RNF112: variants seen among roughly 807,000 people sequenced by gnomAD.
RNF112 encodes the protein brain finger protein.
A neutral mutation model predicts 64.7 loss-of-function variants in RNF112; 34 were observed. The ratio of observed to expected loss-of-function variants is 0.53; its 90% confidence interval spans 0.40 to 0.70. RNF112 has a LOEUF of 0.70. RNF112 is among the 30% of genes least tolerant of loss of function. The pLI is 0.00. For missense variants in RNF112, 734 were observed against 850.0 expected, an observed-to-expected ratio of 0.86 and a Z score of 1.70; for synonymous variants, 345 against 344.5, an observed-to-expected ratio of 1.00 and a Z score of -0.02.
rs1324169827 is a variant in RNF112, at chr17:19,411,388, C to G, written c.-21C>G. 1 of 1,609,108 alleles carries G rather than the reference C, an allele frequency of 6.2e-7. No individual in the cohort carries two copies. The highest frequency in any genetic ancestry group is 8.5e-7 in the Non-Finnish European group (1 of 1,179,056). ...GGGCCTCCCCCTCTGCATCCGGACC[C>G]TCTCCCCATCCCAGCCTCCCATGCC... On this transcript the variant is annotated 5_prime_UTR_variant, in exon 1 of 14. Transcript: ENST00000461366.
chr17:19,415,820 G>C lies in RNF112; in HGVS notation c.1541G>C (p.Cys514Ser), dbSNP rs1430511236. Residue 514 changes from cysteine (C) to serine (S), a missense_variant, in exon 14 of 14, where the codon TGC becomes TCC. Cys to Ser is a moderately radical substitution (Grantham distance 112). Coordinates refer to ENST00000461366, the MANE Select transcript of RNF112 (RefSeq NM_007148.5). The surrounding 1 kb of genome is among the most constrained non-coding windows in gnomAD (Gnocchi z 7.8). ...ILARHGVALLCKGRDQTLEAL... is the reference protein window; with the variant it reads ...ILARHGVALLSKGRDQTLEAL... ...GCCCGCCATGGTGTGGCCTTACTCT[G>C]CAAGGGGAGAGATCAGACCTTGGAG... The C allele has an allele frequency of 1.9e-6, 3 of 1,613,822 alleles. No homozygotes were observed. The Admixed American group carries it at 5.0e-5, about 27-fold the overall frequency.
rs1306626513 is a variant in RNF112, at chr17:19,414,481, G to A, written c.909G>A (p.Lys303=). The A allele has an allele frequency of 3.1e-6, 5 of 1,613,882 alleles. No homozygotes were observed. The Admixed American group carries it at 8.3e-5, about 27-fold the overall frequency. Residue 303 remains lysine, a synonymous_variant, in exon 8 of 14, where the codon AAG becomes AAA. Coordinates refer to ENST00000461366, the MANE Select transcript of RNF112 (RefSeq NM_007148.5). ...MFVHVAEVMG[K]HYGMVPIQHL... ...TCCACGTGGCCGAGGTGATGGGCAAGCATTATGGGATGGTGCCAATCCAGG... is the reference window on the plus strand; with the variant it reads ...TCCACGTGGCCGAGGTGATGGGCAAACATTATGGGATGGTGCCAATCCAGG...
Position 19,413,180 on chromosome 17 carries a change from C to T in RNF112, c.588+36C>T. 6.3e-7 allele frequency: 1 copy of T among 1,599,398 alleles called. No homozygotes were observed. The highest frequency in any genetic ancestry group is 1.1e-5 in the South Asian group (1 of 89,634). On this transcript the variant is annotated intron_variant, in intron 4 of 13. Coordinates refer to ENST00000461366, the MANE Select transcript of RNF112 (RefSeq NM_007148.5). This position sits in a 1 kb window ranked among gnomAD's most constrained non-coding sequence, Gnocchi z 5.9. ...GGCGGGGCAGGAGGGAGGCGGGGAG[C>T]AAGGATGGGGGTTCCTGCCTGGGGG...
chr17:19,412,386 T>G lies in RNF112; in HGVS notation c.96-112T>G. On this transcript the variant is annotated intron_variant, in intron 2 of 13. Transcript: ENST00000461366. This position sits in a 1 kb window ranked among gnomAD's most constrained non-coding sequence, Gnocchi z 5.1. ...ATGGAGGCACTGATGGAAATTGGGT[T>G]GGCACAAAGGGACCTCCACTCCCAA... 1.7e-6 allele frequency: 2 copies of G among 1,190,118 alleles called. No individual in the cohort carries two copies. The highest frequency in any genetic ancestry group is 2.3e-6 in the Non-Finnish European group (2 of 859,694). 73.7% of individuals were successfully genotyped at this position (1,190,118 alleles called of 1,614,324 possible). A position where few individuals can be genotyped will look rare whatever the true frequency, so the allele number is the denominator to read the frequency against.
At position 19,416,234 on chromosome 17, in the gene RNF112, C is replaced by A; in HGVS notation, c.*59C>A. 1 of 1,433,608 alleles carries A rather than the reference C, an allele frequency of 7.0e-7. No homozygotes were observed. The highest frequency in any genetic ancestry group is 9.4e-7 in the Non-Finnish European group (1 of 1,063,344). 88.8% of individuals were successfully genotyped at this position (1,433,608 alleles called of 1,614,324 possible). ...GTCAGGTGGGGATGAAGAAGAGGGG[C>A]AGGTCGGGGGAGGGTGATGCCAGGG... On this transcript the variant is annotated 3_prime_UTR_variant, in exon 14 of 14. Coordinates refer to ENST00000461366, the MANE Select transcript of RNF112 (RefSeq NM_007148.5).
In RNF112 at chr17:19,415,538, C is replaced by T. The variant is rs1913852483; in HGVS notation, c.1371C>T (p.Asp457=). 2.5e-6 allele frequency: 4 copies of T among 1,612,572 alleles called. No homozygotes were observed. The highest frequency in any genetic ancestry group is 3.4e-6 in the Non-Finnish European group (4 of 1,179,468). The stretch of plus-strand genomic sequence containing the variant: ...GACAGATGGCTGCTCAGCTGCACGA[C>T]CTGAGGAAGGTGGAAGCTGCCAAGA... ...SPDEMAAQLH[D]LRKVEAAKRE... is the part of the protein sequence containing the mutation. Residue 457 remains aspartate, a synonymous_variant, in exon 13 of 14, where the codon GAC becomes GAT. Transcript: ENST00000461366. This position sits in a 1 kb window ranked among gnomAD's most constrained non-coding sequence, Gnocchi z 7.8.
In RNF112 at chr17:19,413,254, G is replaced by C; in HGVS notation, c.589-26G>C. Reference sequence around the variant, plus strand: ...TGTGGGGACAAGGAACCGACCAACTGATGCTCTCCCTTCTCTCCCCTGCAG... The same window carrying C: ...TGTGGGGACAAGGAACCGACCAACTCATGCTCTCCCTTCTCTCCCCTGCAG... On this transcript the variant is annotated intron_variant, in intron 4 of 13. Transcript: ENST00000461366. The surrounding 1 kb of genome is among the most constrained non-coding windows in gnomAD (Gnocchi z 5.9). 6.3e-7 allele frequency: 1 copy of C among 1,597,620 alleles called. No homozygotes were observed. The highest frequency in any genetic ancestry group is 1.1e-5 in the South Asian group (1 of 89,734).
chr17:19,415,932 G>T lies in RNF112; in HGVS notation c.1653G>T (p.Gly551=). The change falls in exon 14 of 14, where the codon GGG becomes GGT. Residue 551 remains glycine, a synonymous_variant. Transcript: ENST00000461366. This position sits in a 1 kb window ranked among gnomAD's most constrained non-coding sequence, Gnocchi z 7.8. The stretch of plus-strand genomic sequence containing the variant: ...TCTGTGGCCACCTAGCTGCTGTGGG[G>T]GGTGCTGTGGGGGCCGGGCTCATGG... The part of the protein sequence containing the change: ...MRFCGHLAAV[G]GAVGAGLMGL... The T allele has an allele frequency of 6.2e-7, 1 of 1,609,372 alleles. No individual in the cohort carries two copies. Among genetic ancestry groups the T allele is most frequent in the African/African-American group, 1.3e-5 (1 of 74,974 alleles).
At position 19,416,232 on chromosome 17, in the gene RNF112, G is replaced by A. The variant is rs566911336; in HGVS notation, c.*57G>A. The A allele has an allele frequency of 2.1e-5, 30 of 1,441,470 alleles. No individual in the cohort carries two copies. The Middle Eastern group carries it at 5.5e-4, about 26-fold the overall frequency. 89.3% of individuals were successfully genotyped at this position (1,441,470 alleles called of 1,614,324 possible). A position where few individuals can be genotyped will look rare whatever the true frequency, so the allele number is the denominator to read the frequency against. On this transcript the variant is annotated 3_prime_UTR_variant, in exon 14 of 14. Transcript: ENST00000461366. ...ATGTCAGGTGGGGATGAAGAAGAGG[G>A]GCAGGTCGGGGGAGGGTGATGCCAG... is the stretch of plus-strand genomic sequence containing the variant.
rs1247429480 is a variant in RNF112 at position 19,413,395 on chromosome 17, G to A, written c.704G>A (p.Gly235Glu). 6 of 1,612,246 alleles carry A rather than the reference G, an allele frequency of 3.7e-6. No individual in the cohort carries two copies. The highest frequency in any genetic ancestry group is 1.1e-5 in the South Asian group (1 of 90,930). Residue 235 changes from glycine to glutamate, a missense_variant, in exon 5 of 14, where the codon GGG (glycine) becomes GAG (glutamate). Gly to Glu is a moderately conservative substitution (Grantham distance 98). Coordinates refer to ENST00000461366, the MANE Select transcript of RNF112 (RefSeq NM_007148.5). The surrounding 1 kb of genome is among the most constrained non-coding windows in gnomAD (Gnocchi z 5.9). ...IWMWSHPFLL[G>E]KEGKKVAVFL... ...ATGTGGAGCCACCCCTTCTTGCTGG[G>A]GAAAGAAGGGAAGAAGGTGAGGGGG...
At chr17:19,414,294 A>T in intron 7 of RNF112, 149 bp downstream of exon 7, 1 of 1,120,952 alleles carries the variant, frequency 8.9e-7, no homozygotes, top group Non-Finnish European at 1.3e-6. Flanking sequence ...GTAAAGCAAG[A>T]GATGTGTGGT....
In RNF112 at chr17:19,415,471, T is replaced by C. The variant is rs1253848972; in HGVS notation, c.1351-47T>C. On this transcript the variant is annotated intron_variant, in intron 12 of 13. Transcript: ENST00000461366. The surrounding 1 kb of genome is among the most constrained non-coding windows in gnomAD (Gnocchi z 7.8). ...GAGATGAGGAAACAAGCAGCGCCCC[T>C]GGCTGAGAAGGAAGGAAGGAGGCAG... is the stretch of plus-strand genomic sequence containing the variant. 11 of 1,582,216 alleles carry C rather than the reference T, an allele frequency of 7.0e-6. No individual in the cohort carries two copies. The highest frequency in any genetic ancestry group is 1.7e-4 in the Middle Eastern group (1 of 5,968).
In RNF112 at chr17:19,412,996, G is replaced by A. The variant is rs544958157; in HGVS notation, c.440G>A (p.Gly147Asp). ...LLLVRINASG[G>D]LILRMGAINR... is the part of the protein sequence containing the mutation. ...CTGGTTCGCATCAATGCCTCTGGGG[G>A]CCTCATCCTTAGGATGGGGGCCATC... Residue 147 changes from glycine to aspartate, a missense_variant, in exon 4 of 14, where the codon GGC becomes GAC. By Grantham distance (94) the Gly-to-Asp change is moderately conservative. Coordinates refer to ENST00000461366, the MANE Select transcript of RNF112 (RefSeq NM_007148.5). This position sits in a 1 kb window ranked among gnomAD's most constrained non-coding sequence, Gnocchi z 5.1. 1 of 1,610,268 alleles carries A rather than the reference G, an allele frequency of 6.2e-7. No individual in the cohort carries two copies. Among genetic ancestry groups the A allele is most frequent in the South Asian group, 1.1e-5 (1 of 90,270 alleles).
chr17:19,413,615 C>A lies in RNF112; in HGVS notation c.759C>A (p.Ser253Arg). The A allele has an allele frequency of 6.2e-7, 1 of 1,613,354 alleles. No individual in the cohort carries two copies. The highest frequency in any genetic ancestry group is 8.5e-7 in the Non-Finnish European group (1 of 1,179,688). The change falls in exon 6 of 14, where the codon AGC becomes AGA. Residue 253 changes from serine (S) to arginine (R), a missense_variant. Physicochemically the swap from Ser to Arg is moderately radical, Grantham distance 110. Transcript: ENST00000461366. This position sits in a 1 kb window ranked among gnomAD's most constrained non-coding sequence, Gnocchi z 5.9. Reference protein sequence around the residue: ...VFLVDTGDAMSPELSRETRIK... With the variant: ...VFLVDTGDAMRPELSRETRIK... Reference sequence around the variant, plus strand: ...TGGTGGACACAGGGGATGCCATGAGCCCTGAGCTGAGCAGGGAAACAAGGA... The same window carrying A: ...TGGTGGACACAGGGGATGCCATGAGACCTGAGCTGAGCAGGGAAACAAGGA...
Position 19,413,276 on chromosome 17 carries a change from G to C in RNF112, c.589-4G>C. 1 of 1,607,452 alleles carries C rather than the reference G, an allele frequency of 6.2e-7. No individual in the cohort carries two copies. The highest frequency in any genetic ancestry group is 2.2e-5 in the East Asian group (1 of 44,684). On this transcript the variant is annotated splice_polypyrimidine_tract_variant and splice_region_variant and intron_variant, in intron 4 of 13. Coordinates refer to ENST00000461366, the MANE Select transcript of RNF112 (RefSeq NM_007148.5). This position sits in a 1 kb window ranked among gnomAD's most constrained non-coding sequence, Gnocchi z 5.9. ...ACTGATGCTCTCCCTTCTCTCCCCTGCAGGAGTCTGGTGAGGGCGGCCGGC... is the reference window on the plus strand; with the variant it reads ...ACTGATGCTCTCCCTTCTCTCCCCTCCAGGAGTCTGGTGAGGGCGGCCGGC...
At chr17:19,414,952 C>G in intron 10 of RNF112, 65 bp downstream of exon 10, 3 of 1,593,998 alleles carry the variant, frequency 1.9e-6, no homozygotes, top group Non-Finnish European at 2.6e-6. Context: ...CAACCGAGCC[C>G]CTTGAAGCAC....
Position 19,412,445 on chromosome 17 carries a change from C to T in RNF112, c.96-53C>T. ...TCTTCCACCACAACCCTGGCCGGTA[C>T]CCCCTGCCCCCAATAGACATCCTGC... On this transcript the variant is annotated intron_variant, in intron 2 of 13. Coordinates refer to ENST00000461366, the MANE Select transcript of RNF112 (RefSeq NM_007148.5). The surrounding 1 kb of genome is among the most constrained non-coding windows in gnomAD (Gnocchi z 5.1). 8 of 1,567,136 alleles carry T rather than the reference C, an allele frequency of 5.1e-6. No homozygotes were observed. Among genetic ancestry groups the T allele is most frequent in the Non-Finnish European group, 6.9e-6 (8 of 1,158,656 alleles).
Position 19,415,305 on chromosome 17 carries a change from G to T in RNF112, c.1316G>T (p.Gly439Val). Residue 439 changes from glycine (G) to valine (V), a missense_variant, in exon 12 of 14, where the codon GGG becomes GTG. Coordinates refer to ENST00000461366, the MANE Select transcript of RNF112 (RefSeq NM_007148.5). The surrounding 1 kb of genome is among the most constrained non-coding windows in gnomAD (Gnocchi z 7.8). The part of the protein sequence containing the change: ...QEIKNLSGWM[G>V]RTGPGFTSPD... Reference sequence around the variant, plus strand: ...CCGCAGAACCTCTCAGGATGGATGGGGAGGACAGGGCCCGGTTTCACCTCT... The same window carrying T: ...CCGCAGAACCTCTCAGGATGGATGGTGAGGACAGGGCCCGGTTTCACCTCT... 1.2e-6 allele frequency: 2 copies of T among 1,609,670 alleles called. No homozygotes were observed. Among genetic ancestry groups the T allele is most frequent in the Non-Finnish European group, 1.7e-6 (2 of 1,177,992 alleles).
rs1234615077 is a variant in RNF112 at position 19,412,134 on chromosome 17, A to C, written c.96-364A>C. 6.6e-6 allele frequency among the ~76,000 whole-genome samples: 1 copy of C among 152,162 alleles called. No individual in the cohort carries two copies. The highest frequency in any genetic ancestry group is 2.4e-5 in the African/African-American group (1 of 41,454). On this transcript the variant is annotated intron_variant, in intron 2 of 13. Transcript: ENST00000461366. This position sits in a 1 kb window ranked among gnomAD's most constrained non-coding sequence, Gnocchi z 5.1. ...CAACGGCCCCATGAGGGGTATTGCT[A>C]TCCTCTCCATTGGGACAGTTAGGAA... is the stretch of plus-strand genomic sequence containing the variant.
Sources: gnomAD v4.1 joint callset for allele counts (sites outside exome capture counted in the v4.1 genomes callset) on GRCh38, gnomAD v4.1.1 for gene constraint, Gnocchi (gnomAD v3.1) non-coding constraint, MANE v1.5 for transcripts, NCBI Gene and HGNC (gene_info 2026-07-23, HGNC 2026-07-21) for gene names.